Variants in SUPT6H observed in about 807,000 individuals in gnomAD.
SUPT6H encodes transcription elongation factor SPT6.
A neutral mutation model predicts 222.3 loss-of-function variants in SUPT6H; 11 were observed. The ratio of observed to expected loss-of-function variants is 0.05; its 90% CI spans 0.03 to 0.08. SUPT6H has a LOEUF of 0.08. Among genes scored for constraint, SUPT6H ranks in the 10% least tolerant of loss-of-function variants. The probability of loss-of-function intolerance (pLI) is 1.00; values close to 1 mark genes in which losing one functional copy is unlikely to be tolerated. For missense variants in SUPT6H, 1,422 were observed against 2,216.0 expected, an observed-to-expected ratio of 0.64 and a Z score of 7.19; for synonymous variants, 762 against 801.2, an observed-to-expected ratio of 0.95 and a Z score of 0.83.
chr17:28,664,365 G>A (rs544223150), intron 1 of SUPT6H, among the ~76,000 whole-genome samples: 13 of 152,264 alleles, frequency 8.5e-5, no homozygotes, highest in Admixed American at 3.3e-4. Context: ...AAAACTAGCC[G>A]GGCGTGGCGA....
rs762812168 is a variant in SUPT6H at position 28,678,858 on chromosome 17, G to A, written c.1244G>A (p.Arg415Gln). Residue 415 changes from arginine (R) to glutamine (Q), a missense_variant, in exon 11 of 37, where the codon CGG becomes CAG. Arg to Gln is a conservative substitution (Grantham distance 43). Around this residue, in one of 13 missense-constraint regions of SUPT6H, gnomAD observed 389 missense variants for 544.6 expected, o/e 0.71. Transcript: ENST00000314616. ...QLRIRKENLTRLFEKMQAYQY... is the reference protein window; with the variant it reads ...QLRIRKENLTQLFEKMQAYQY... Reference sequence around the variant, plus strand: ...CGGATCCGTAAAGAGAACCTAACACGGCTGTTTGAGAAGATGCAGGCTTAT... The same window carrying A: ...CGGATCCGTAAAGAGAACCTAACACAGCTGTTTGAGAAGATGCAGGCTTAT... The A allele has an allele frequency of 8.1e-6, 13 of 1,614,182 alleles. No individual in the cohort carries two copies. The highest frequency in any genetic ancestry group is 4.5e-5 in the East Asian group (2 of 44,888).
chr17:28,667,644 T>C (rs1013070168), intron 1 of SUPT6H, among the ~76,000 whole-genome samples: 20 of 151,256 alleles, frequency 1.3e-4, no homozygotes, highest in African/African-American at 3.9e-4. Flanking sequence ...CCTAAATGTT[T>C]GCTCATGTTG....
rs2032178100 is a variant in SUPT6H at position 28,702,679 on chromosome 17, A to T, written c.*1054A>T. 1 of 152,498 alleles carries T rather than the reference A, an allele frequency of 6.6e-6. No individual in the cohort carries two copies. The highest frequency in any genetic ancestry group is 2.1e-4 in the South Asian group (1 of 4,834). 9.4% of individuals were successfully genotyped at this position (152,498 alleles called of 1,614,324 possible). On this transcript the variant is annotated 3_prime_UTR_variant, in exon 37 of 37. Transcript: ENST00000314616. ...GCCACAAGTAAATCTGGATTTCTCA[A>T]CTTGAGCCTCTGCCGTTCATCTCTT...
At chr17:28,681,853 C>T (rs763327438) in intron 12 of SUPT6H, 29 bp from the exon 13 acceptor site, 11 of 1,577,268 alleles carry the variant, frequency 7.0e-6, no homozygotes, top group Admixed American at 1.8e-5. Context: ...GAAACTAGAA[C>T]CCTAAATCTC....
In SUPT6H at chr17:28,683,623, A is replaced by G. The variant is rs143818059; in HGVS notation, c.2036A>G (p.Tyr679Cys). The G allele has an allele frequency of 9.3e-6, 15 of 1,613,704 alleles. No individual in the cohort carries two copies. The highest frequency in any genetic ancestry group is 1.2e-5 in the Non-Finnish European group (14 of 1,179,728). ...ISIDLKGVEG[Y>C]GNDQTYFEEI... Reference sequence around the variant, plus strand: ...CATAGCTTTGTGTCTCTTCTCAGCTATGGCAACGACCAGACATATTTTGAG... The same window carrying G: ...CATAGCTTTGTGTCTCTTCTCAGCTGTGGCAACGACCAGACATATTTTGAG... Residue 679 changes from tyrosine to cysteine, a missense_variant and splice_region_variant, in exon 17 of 37, where the codon TAT becomes TGT. Tyr to Cys is a radical substitution (Grantham distance 194). This residue lies in a region of SUPT6H where 121 missense variants were observed against 158.0 expected (regional missense o/e 0.77). Transcript: ENST00000314616.
At chr17:28,685,340 A>G (rs958575426) in intron 19 of SUPT6H, among the ~76,000 whole-genome samples, 18 of 151,914 alleles carry the variant, frequency 1.2e-4, no homozygotes, top group Admixed American at 9.2e-4. Flanking sequence ...CTTTCAATTC[A>G]TTTGGTTGGT....
rs9904043 is a variant in SUPT6H at position 28,673,373 on chromosome 17, A to G, written c.-29A>G. ...CCTTCACTCTTTTCTTTCCCTAGTT[A>G]TCTTCAGGCAGAGTGAGAAGCTGCA... On this transcript the variant is annotated splice_region_variant and 5_prime_UTR_variant, in exon 2 of 37. Coordinates refer to ENST00000314616, the MANE Select transcript of SUPT6H (RefSeq NM_003170.5). 0.77 allele frequency: 1,193,174 copies of G among 1,554,006 alleles called. 459,574 individuals carry two copies. Among genetic ancestry groups the G allele is most frequent in the South Asian group, 0.86 (76,743 of 89,720 alleles).
At position 28,686,734 on chromosome 17, in the gene SUPT6H, T is replaced by C. The variant is rs1168479127; in HGVS notation, c.2645T>C (p.Val882Ala). ...DQGQQLSSIGVELVDNELAIL... is the reference protein window; with the variant it reads ...DQGQQLSSIGAELVDNELAIL... ...GGCCAGCAGCTGTCATCTATTGGGG[T>C]AGAGCTGGTTGACAACGAGTTGGCC... The change falls in exon 21 of 37, where the codon GTA (valine) becomes GCA (alanine). Residue 882 changes from valine to alanine, a missense_variant. Around this residue, in one of 13 missense-constraint regions of SUPT6H, gnomAD observed 294 missense variants for 382.1 expected, o/e 0.77. Transcript: ENST00000314616. 1 of 1,612,574 alleles carries C rather than the reference T, an allele frequency of 6.2e-7. No homozygotes were observed. The highest frequency in any genetic ancestry group is 8.5e-7 in the Non-Finnish European group (1 of 1,179,566).
chr17:28,697,541 T>G, intron 30 of SUPT6H, 79 bp from the exon 31 acceptor site: 1 of 1,185,108 alleles, frequency 8.4e-7, no homozygotes, highest in Non-Finnish European at 1.2e-6. Flanking sequence ...TCCCCTCCCA[T>G]GGTTTTTCTT....
intron 1 of SUPT6H, among the ~76,000 whole-genome samples, chr17:28,673,087 G>A (rs1001756490): frequency 1.3e-5 from 2 of 151,224 alleles, no homozygotes; most frequent in African/African-American, 4.9e-5. Flanking sequence ...GGAGGTGGAG[G>A]TTGCAGTGAA....
intron 10 of SUPT6H, 67 bp downstream of exon 10, chr17:28,678,701 C>G: frequency 1.9e-6 from 3 of 1,610,584 alleles, no homozygotes; most frequent in Middle Eastern, 3.5e-4. Context: ...CAGGATACCA[C>G]AAACCCAAAC....
intron 27 of SUPT6H, among the ~76,000 whole-genome samples, chr17:28,693,000 C>CAA (rs1249471749): frequency 4.7e-5 from 4 of 84,416 alleles, no homozygotes; most frequent in Admixed American, 1.3e-4. Context: ...GACTCTGTCT[C>CAA]AAAAAAAAAA....
intron 25 of SUPT6H, among the ~76,000 whole-genome samples, chr17:28,689,840 C>T (rs1377044854): frequency 2.0e-5 from 3 of 152,152 alleles, no homozygotes; most frequent in Non-Finnish European, 2.9e-5. Flanking sequence ...CCCCTTTCCT[C>T]CTTTCTAACA....
chr17:28,682,604 G>A (rs2031174372), intron 13 of SUPT6H, 123 bp from the exon 14 acceptor site: 1 of 1,396,202 alleles, frequency 7.2e-7, no homozygotes, highest in Admixed American at 2.1e-5. Flanking sequence ...CTGGGCAACA[G>A]AGCGAGACCG....
At position 28,700,365 on chromosome 17, in the gene SUPT6H, T is replaced by C. The variant is rs1011413175; in HGVS notation, c.4659T>C (p.Asn1553=). The C allele has an allele frequency of 1.2e-6, 2 of 1,614,236 alleles. No homozygotes were observed. Residue 1553 remains asparagine (N), a synonymous_variant, in exon 35 of 37, where the codon AAT becomes AAC. Coordinates refer to ENST00000314616, the MANE Select transcript of SUPT6H (RefSeq NM_003170.5). Reference sequence around the variant, plus strand: ...TTACAGATCTGACACGGGCTGTGAATGCCCTGCCTCAGAACATGACTTCAC... The same window carrying C: ...TTACAGATCTGACACGGGCTGTGAACGCCCTGCCTCAGAACATGACTTCAC... The part of the protein sequence containing the change: ...INLADLTRAV[N]ALPQNMTSQM...
At position 28,700,496 on chromosome 17, in the gene SUPT6H, G is replaced by C; in HGVS notation, c.4790G>C (p.Gly1597Ala). Residue 1597 changes from glycine to alanine, a missense_variant, in exon 35 of 37, where the codon GGC (glycine) becomes GCC (alanine). Coordinates refer to ENST00000314616, the MANE Select transcript of SUPT6H (RefSeq NM_003170.5). ...TACGGCTATGGCGGCAGTGGAGGCG[G>C]CAGCAGTGCTTACCACGTATGTGGC... ...SQYGYGGSGG[G>A]SSAYHVFPTP... The C allele has an allele frequency of 1.2e-6, 2 of 1,613,966 alleles. No homozygotes were observed. The highest frequency in any genetic ancestry group is 1.7e-6 in the Non-Finnish European group (2 of 1,179,926).
intron 32 of SUPT6H, among the ~76,000 whole-genome samples, chr17:28,699,142 C>T (rs2032038431): frequency 6.6e-6 from 1 of 152,162 alleles, no homozygotes; most frequent in African/African-American, 2.4e-5. Flanking sequence ...GAGCACAACC[C>T]AGCTTTAGGC....
At chr17:28,670,002 A>AACAG (rs1397584678) in intron 1 of SUPT6H, 2 of 152,208 alleles carry the variant, frequency 1.3e-5, no homozygotes, top group Non-Finnish European at 2.9e-5. Flanking sequence ...TGTCTGCTCT[A>AACAG]ACAGAATACA....
At position 28,701,736 on chromosome 17, in the gene SUPT6H, C is replaced by A; in HGVS notation, c.*111C>A. On this transcript the variant is annotated 3_prime_UTR_variant, in exon 37 of 37. Transcript: ENST00000314616. ...GTCCATAAAGTGGCGTGAAGTGAGA[C>A]GTTCTCTTTGGTGGTCAACCCGGAT... is the stretch of plus-strand genomic sequence containing the variant. 1 of 1,223,274 alleles carries A rather than the reference C, an allele frequency of 8.2e-7. No homozygotes were observed. The highest frequency in any genetic ancestry group is 1.1e-6 in the Non-Finnish European group (1 of 888,514). The allele number at this position is 1,223,274 out of a possible 1,614,324, so 75.8% of individuals were successfully genotyped here.
Sources: gnomAD v4.1 joint callset for allele counts (sites outside exome capture counted in the v4.1 genomes callset) on GRCh38, gnomAD v4.1.1 for gene constraint, gnomAD v4.1.1 regional missense constraint, MANE v1.5 for transcripts, NCBI Gene and HGNC (gene_info 2026-07-23, HGNC 2026-07-21) for gene names.